TRAPPC9: variants seen among roughly 807,000 people sequenced by gnomAD.
The protein encoded by TRAPPC9 is IKK2 binding protein.
In TRAPPC9, 83 loss-of-function variants were observed where a neutral mutation model predicts 124.0. The observed-to-expected ratio is 0.67, with a 90% CI of 0.56 to 0.80. The LOEUF (loss-of-function observed/expected upper bound fraction) is 0.80. Ranked by LOEUF, TRAPPC9 falls within the 30% of genes least tolerant of loss-of-function variation. The pLI is 0.00. For synonymous variants in TRAPPC9, 638 were observed against 617.5 expected, an observed-to-expected ratio of 1.03 and a Z score of -0.49; for missense variants, 1,302 against 1,508.3, an observed-to-expected ratio of 0.86 and a Z score of 2.27.
At chr8:140,383,420 G>A (rs2068668296) in intron 7 of TRAPPC9, among the ~76,000 whole-genome samples, 1 of 152,126 alleles carries the variant, frequency 6.6e-6, no homozygotes, top group South Asian at 2.1e-4. Flanking sequence ...CTTGAAAAAA[G>A]ATTAGACAAA....
At chr8:140,111,913 A>G (rs2060783125) in intron 17 of TRAPPC9, among the ~76,000 whole-genome samples, 1 of 152,250 alleles carries the variant, frequency 6.6e-6, no homozygotes, top group Non-Finnish European at 1.5e-5. Context: ...AGCACACTCC[A>G]TCAACAGGGA....
intron 17 of TRAPPC9, among the ~76,000 whole-genome samples, chr8:140,146,057 G>A (rs2061457680): frequency 6.6e-6 from 1 of 152,084 alleles, no homozygotes; most frequent in African/African-American, 2.4e-5. Context: ...GTATATTAAA[G>A]GTCCTAGTAA....
chr8:139,857,921 A>G (rs1445968010), intron 21 of TRAPPC9, among the ~76,000 whole-genome samples: 1 of 152,216 alleles, frequency 6.6e-6, no homozygotes, highest in Non-Finnish European at 1.5e-5. Flanking sequence ...TCTCCCAACC[A>G]TCGAGCCATC....
intron 19 of TRAPPC9, chr8:139,931,859 AG>A (rs1241318615): frequency 6.0e-6 from 1 of 167,738 alleles, no homozygotes; most frequent in Non-Finnish European, 1.3e-5. Flanking sequence ...CACCCGGAAA[AG>A]ATGACTCTGA....
intron 17 of TRAPPC9, among the ~76,000 whole-genome samples, chr8:140,200,751 G>C (rs971391723): frequency 2.6e-5 from 4 of 152,056 alleles, no homozygotes; most frequent in African/African-American, 9.7e-5. Context: ...GTCCTGAATG[G>C]GACCCAGGAC....
chr8:140,258,895 C>T (rs1563889595), intron 15 of TRAPPC9, among the ~76,000 whole-genome samples: 1 of 152,210 alleles, frequency 6.6e-6, no homozygotes, highest in Non-Finnish European at 1.5e-5. Flanking sequence ...CCCCGTGAAC[C>T]GCCAATACAG....
chr8:139,986,249 A>C (rs1016552906), intron 19 of TRAPPC9, among the ~76,000 whole-genome samples: 1 of 152,182 alleles, frequency 6.6e-6, no homozygotes, highest in African/African-American at 2.4e-5. Context: ...TATCAAAAAA[A>C]CAAAAAACCA....
At position 139,910,178 on chromosome 8, in the gene TRAPPC9, A is replaced by G. The variant is rs1214721834; in HGVS notation, c.2933T>C (p.Ile978Thr). Residue 978 changes from isoleucine (I) to threonine (T), a missense_variant, in exon 20 of 23, where the codon ATC becomes ACC. Around this residue, in one of 3 missense-constraint regions of TRAPPC9, gnomAD observed 640 missense variants for 679.3 expected, o/e 0.94. Transcript: ENST00000438773. ...CCAGCAGATGCCCAGCTTGCTGTGG[A>G]TCTCCAGGCCTCGGGCTTCCCGCCG... ...EERREARGLE[I>T]HSKLGICWRI... 21 of 1,613,396 alleles carry G rather than the reference A, an allele frequency of 1.3e-5. No individual in the cohort carries two copies. Among genetic ancestry groups the G allele is most frequent in the African/African-American group, 4.0e-5 (3 of 74,652 alleles).
chr8:139,964,828 A>T (rs766994303), intron 19 of TRAPPC9, among the ~76,000 whole-genome samples: 2 of 152,160 alleles, frequency 1.3e-5, no homozygotes, highest in Non-Finnish European at 2.9e-5. Flanking sequence ...TACTATTCCC[A>T]CCAAGGACCT....
At chr8:140,315,952 T>C (rs1394480185) in intron 9 of TRAPPC9, among the ~76,000 whole-genome samples, 1 of 152,190 alleles carries the variant, frequency 6.6e-6, no homozygotes, top group African/African-American at 2.4e-5. Context: ...TATGTTAAAT[T>C]ATTGTGTGCC....
chr8:139,967,936 C>G (rs1303588639), intron 19 of TRAPPC9, among the ~76,000 whole-genome samples: 1 of 151,994 alleles, frequency 6.6e-6, no homozygotes, highest in Non-Finnish European at 1.5e-5. Context: ...GTCAGGAGTT[C>G]CAGACCAGTC....
chr8:140,121,742 T>A (rs1273075563), intron 17 of TRAPPC9, among the ~76,000 whole-genome samples: 2 of 152,220 alleles, frequency 1.3e-5, no homozygotes, highest in Non-Finnish European at 2.9e-5. Flanking sequence ...CCATCACTTA[T>A]TAAAGGGCTC....
chr8:140,246,954 T>G (rs965799811), intron 16 of TRAPPC9, among the ~76,000 whole-genome samples: 2 of 152,096 alleles, frequency 1.3e-5, no homozygotes, highest in Non-Finnish European at 2.9e-5. Context: ...CACTGCACTC[T>G]AGCCCGGGCG....
intron 9 of TRAPPC9, among the ~76,000 whole-genome samples, chr8:140,313,771 G>A (rs755666339): frequency 3.9e-5 from 6 of 152,122 alleles, no homozygotes; most frequent in Admixed American, 6.5e-5. Context: ...AGCGATCTGC[G>A]GATATGTAAT....
intron 17 of TRAPPC9, among the ~76,000 whole-genome samples, chr8:140,139,916 T>C (rs917795168): frequency 1.1e-4 from 16 of 152,238 alleles, no homozygotes; most frequent in East Asian, 9.6e-4. Context: ...TTATGATGTG[T>C]GCATTTTTCT....
intron 20 of TRAPPC9, among the ~76,000 whole-genome samples, chr8:139,893,259 G>A (rs575260149): frequency 6.6e-6 from 1 of 152,172 alleles, no homozygotes; most frequent in East Asian, 1.9e-4. Flanking sequence ...ACATCCTCAC[G>A]GCGTGCCGCA....
At chr8:140,217,853 C>T (rs1421156149) in intron 17 of TRAPPC9, among the ~76,000 whole-genome samples, 1 of 152,140 alleles carries the variant, frequency 6.6e-6, no homozygotes, top group African/African-American at 2.4e-5. Flanking sequence ...CCCATCTCTA[C>T]TAAAAACACA....
chr8:139,995,861 T>TTA (rs1837930024), intron 18 of TRAPPC9, among the ~76,000 whole-genome samples: 1 of 96,888 alleles, frequency 1.0e-5, no homozygotes, highest in Non-Finnish European at 2.0e-5. Flanking sequence ...TACTCTGCAT[T>TTA]AAAAAAAAAA....
chr8:140,327,195 G>A (rs1343354773), intron 9 of TRAPPC9, among the ~76,000 whole-genome samples: 1 of 152,116 alleles, frequency 6.6e-6, no homozygotes, highest in Non-Finnish European at 1.5e-5. Flanking sequence ...GGAGGTTGCA[G>A]TGAGCTGAGA....
Sources: allele counts gnomAD v4.1 joint callset (sites outside exome capture counted in the v4.1 genomes callset), GRCh38; gene constraint gnomAD v4.1.1; regional missense constraint gnomAD v4.1.1; transcripts MANE v1.5; gene names NCBI Gene and HGNC (gene_info 2026-07-23, HGNC 2026-07-21).